The following ERICH3 variants were observed in gnomAD, a reference collection of about 807,000 sequenced individuals.
ERICH3 encodes the protein glutamate-rich protein 3.
Under a neutral mutation model 131.1 loss-of-function variants are expected in ERICH3, and 126 were observed. That is an observed-to-expected ratio of 0.96 (90% confidence interval 0.83 to 1.11). The LOEUF is 1.11. Among genes scored for constraint, ERICH3 ranks in the 50% most tolerant of loss-of-function variants. ERICH3 has a pLI of 0.00. For missense variants in ERICH3, 2,050 were observed against 1,810.7 expected (o/e 1.13, Z -2.40); for synonymous variants, 695 against 644.6 (o/e 1.08, Z -1.18).
At chr1:74,582,308 C>T (rs928733857) in intron 12 of ERICH3, among the ~76,000 whole-genome samples, 5 of 152,198 alleles carry the variant, frequency 3.3e-5, no homozygotes, top group Admixed American at 6.5e-5. Flanking sequence ...CACAAGATAG[C>T]TCCTGATGTC....
intron 8 of ERICH3, among the ~76,000 whole-genome samples, chr1:74,617,525 C>A (rs780782004): frequency 6.6e-6 from 1 of 152,100 alleles, no homozygotes; most frequent in Non-Finnish European, 1.5e-5. Flanking sequence ...AAAGAGAGAG[C>A]CACTACTAAT....
chr1:74,573,619 T>C (rs1005356911), intron 13 of ERICH3, 128 bp from the exon 14 acceptor site: 1 of 1,127,536 alleles, frequency 8.9e-7, no homozygotes, highest in African/African-American at 1.6e-5. Flanking sequence ...GGCCATTGTA[T>C]TATATATAAA....
chr1:74,606,670 C>T lies in ERICH3; in HGVS notation c.1420G>A (p.Glu474Lys), dbSNP rs1159893217. Reference protein sequence around the residue: ...GLKEVVTAVEEMTSKGKPGQE... With the variant: ...GLKEVVTAVEKMTSKGKPGQE... ...CCTGGTTTTCCTTTACTTGTCATTT[C>T]CTCCACAGCAGTTACCACTTCTTTG... The change falls in exon 10 of 15, where the codon GAA becomes AAA. Residue 474 changes from glutamate to lysine, a missense_variant. Physicochemically the swap from Glu to Lys is moderately conservative, Grantham distance 56. Coordinates refer to ENST00000326665, the MANE Select transcript of ERICH3 (RefSeq NM_001002912.5). 6.2e-7 allele frequency: 1 copy of T among 1,613,046 alleles called. No individual in the cohort carries two copies.
At chr1:74,664,713 T>C (rs868296910) in intron 1 of ERICH3, among the ~76,000 whole-genome samples, 47 of 152,334 alleles carry the variant, frequency 3.1e-4, no homozygotes, top group Middle Eastern at 3.4e-3. Flanking sequence ...TTTATGACTA[T>C]TATAGAAAAA....
chr1:74,579,906 A>C, intron 12 of ERICH3: 1 of 984,024 alleles, frequency 1.0e-6, no homozygotes, highest in Non-Finnish European at 1.2e-6. Context: ...ATTTCTTAGA[A>C]AGTCAGCTTT....
chr1:74,626,880 G>A (rs1649435419), intron 7 of ERICH3, among the ~76,000 whole-genome samples: 1 of 152,142 alleles, frequency 6.6e-6, no homozygotes, highest in Non-Finnish European at 1.5e-5. Context: ...AATCACAGAA[G>A]CCAGAGACCA....
At chr1:74,605,147 C>A (rs1174391928) in intron 10 of ERICH3, among the ~76,000 whole-genome samples, 2 of 151,960 alleles carry the variant, frequency 1.3e-5, no homozygotes, top group Non-Finnish European at 2.9e-5. Context: ...GAAATGACTT[C>A]TTTCTTTAAC....
Position 74,645,164 on chromosome 1 carries a change from C to G in ERICH3, c.243+1503G>C, listed in dbSNP as rs563164661. Among the ~76,000 whole-genome samples the G allele has an allele frequency of 4.6e-5, 7 of 152,030 alleles. No individual in the cohort carries two copies. In the South Asian group the frequency reaches 1.0e-3, roughly 23 times the overall value. ...CCTCCTCTTCTTTTCTGAACTCACT[C>G]TATTCGTTCCTCTCTTCTAGCACTT... is the stretch of plus-strand genomic sequence containing the variant. On this transcript the variant is annotated intron_variant, in intron 3 of 14. Coordinates refer to ENST00000326665, the MANE Select transcript of ERICH3 (RefSeq NM_001002912.5).
chr1:74,671,834 T>C (rs574761141), intron 1 of ERICH3, among the ~76,000 whole-genome samples: 3 of 152,366 alleles, frequency 2.0e-5, no homozygotes, highest in South Asian at 4.1e-4. Flanking sequence ...TGTTGAGTTT[T>C]ATTTTGTTCT....
rs145553171 is a variant in ERICH3, at chr1:74,601,109, A to T, written c.1490-1178T>A. ...AATGTTTCCACAAAAGAAATTTAAT[A>T]CATTTAAATATAAAATATGAATATC... On this transcript the variant is annotated intron_variant, in intron 10 of 14. Transcript: ENST00000326665. 3.8e-3 allele frequency among the ~76,000 whole-genome samples: 578 copies of T among 152,034 alleles called. 9 individuals carry two copies. Among genetic ancestry groups the T allele is most frequent in the Admixed American group, 0.022 (340 of 15,230 alleles).
intron 12 of ERICH3, among the ~76,000 whole-genome samples, chr1:74,584,842 A>C (rs186932713): frequency 6.6e-6 from 1 of 152,194 alleles, no homozygotes; most frequent in East Asian, 1.9e-4. Context: ...GTCTATTAGA[A>C]CAACCACATG....
intron 1 of ERICH3, among the ~76,000 whole-genome samples, chr1:74,661,163 TA>T (rs993641106): frequency 2.0e-5 from 3 of 152,098 alleles, no homozygotes; most frequent in Non-Finnish European, 4.4e-5. Flanking sequence ...TAGTAAGATT[TA>T]AAATGGTAAT....
At chr1:74,614,321 AT>A (rs946115935) in intron 8 of ERICH3, among the ~76,000 whole-genome samples, 1 of 137,724 alleles carries the variant, frequency 7.3e-6, no homozygotes, top group South Asian at 2.2e-4. Context: ...ATTTTAATCT[AT>A]TTTTTCAGTT....
intron 3 of ERICH3, among the ~76,000 whole-genome samples, chr1:74,644,290 T>C (rs1646462427): frequency 6.6e-6 from 1 of 152,032 alleles, no homozygotes; most frequent in Non-Finnish European, 1.5e-5. Flanking sequence ...TCAACCTTTT[T>C]CCACCTTCCA....
intron 1 of ERICH3, among the ~76,000 whole-genome samples, chr1:74,650,391 T>A (rs550941860): frequency 6.6e-6 from 1 of 152,148 alleles, no homozygotes; most frequent in Non-Finnish European, 1.5e-5. Context: ...ATTCAGTAAC[T>A]TACAAAAACA....
intron 8 of ERICH3, among the ~76,000 whole-genome samples, chr1:74,615,869 T>G (rs370095880): frequency 1.3e-5 from 2 of 152,170 alleles, no homozygotes; most frequent in East Asian, 1.9e-4. Flanking sequence ...TGATTTAGAG[T>G]GCAAGGAGAA....
Position 74,589,962 on chromosome 1 carries a change from G to T in ERICH3, c.1845C>A (p.Ala615=). The change falls in exon 12 of 15, where the codon GCC becomes GCA. Residue 615 remains alanine (A), a synonymous_variant. Coordinates refer to ENST00000326665, the MANE Select transcript of ERICH3 (RefSeq NM_001002912.5). ...AHTDSSTDES[A]RRSSSQELSE... ...TCAGTTCCTGAGAAGATGACCTTCT[G>T]GCACTTTCATCTGTGCTGCTGTCAG... is the stretch of plus-strand genomic sequence containing the variant. The T allele has an allele frequency of 6.2e-7, 1 of 1,613,938 alleles. No homozygotes were observed. Among genetic ancestry groups the T allele is most frequent in the Non-Finnish European group, 8.5e-7 (1 of 1,179,918 alleles).
intron 10 of ERICH3, among the ~76,000 whole-genome samples, chr1:74,600,841 A>G (rs888642934): frequency 1.3e-5 from 2 of 151,874 alleles, no homozygotes; most frequent in Non-Finnish European, 2.9e-5. Flanking sequence ...AGTAAAAATT[A>G]CCGAGAGAAT....
chr1:74,665,771 T>C (rs931422553), intron 1 of ERICH3, among the ~76,000 whole-genome samples: 1 of 152,092 alleles, frequency 6.6e-6, no homozygotes, highest in African/African-American at 2.4e-5. Context: ...TAACCTTAAT[T>C]ACCTCTTTAA....
Sources: gnomAD v4.1 joint callset for allele counts (sites outside exome capture counted in the v4.1 genomes callset) on GRCh38, gnomAD v4.1.1 for gene constraint, MANE v1.5 for transcripts, NCBI Gene and HGNC (gene_info 2026-07-23, HGNC 2026-07-21) for gene names.